The following CUX1 variants were observed in gnomAD, a reference collection of about 807,000 sequenced individuals.
CUX1 encodes the protein protein CASP.
A neutral mutation model predicts 158.8 loss-of-function variants in CUX1; 31 were observed. The ratio of observed to expected loss-of-function variants is 0.20; its 90% CI spans 0.15 to 0.26. CUX1 has a LOEUF of 0.26. Among genes scored for constraint, CUX1 ranks in the 10% least tolerant of loss-of-function variants. The pLI, the probability that CUX1 is intolerant of heterozygous loss-of-function variation, is 1.00. For missense variants in CUX1, 1,589 were observed against 2,014.6 expected, an observed-to-expected ratio of 0.79 and a Z score of 4.04; for synonymous variants, 879 against 862.1, an observed-to-expected ratio of 1.02 and a Z score of -0.34.
chr7:102,143,082 T>C (rs1554500897), intron 8 of CUX1, among the ~76,000 whole-genome samples: 1 of 152,182 alleles, frequency 6.6e-6, no homozygotes, highest in Admixed American at 6.5e-5. Context: ...AACTGTCCCA[T>C]GGCCAGGGGG....
At chr7:102,030,572 A>T (rs1023261063) in intron 3 of CUX1, among the ~76,000 whole-genome samples, 3 of 152,052 alleles carry the variant, frequency 2.0e-5, no homozygotes, top group Admixed American at 6.6e-5. Flanking sequence ...ATCCAAAATC[A>T]AATTTTTCCA....
chr7:102,003,295 AACACAC>A lies in CUX1; in HGVS notation c.142-24768_142-24763del, dbSNP rs56760446. Among the ~76,000 whole-genome samples, 1,160 of 131,968 alleles carry A rather than the reference AACACAC, an allele frequency of 8.8e-3. 15 individuals are homozygous for A. Among genetic ancestry groups the A allele is most frequent in the African/African-American group, 0.025 (860 of 34,304 alleles). The allele number at this position is 131,968 out of a possible 152,430, so 86.6% of individuals were successfully genotyped here. A position where few individuals can be genotyped will look rare whatever the true frequency, so the allele number is the denominator to read the frequency against. On this transcript the variant is annotated intron_variant, in intron 2 of 23. Transcript: ENST00000292535. ...CCACTAAGCCCAGCACCTGGTGCCG[AACACAC>A]ACACACACACACACACACACACACA...
intron 23 of CUX1, among the ~76,000 whole-genome samples, chr7:102,247,660 T>C (rs1202115019): frequency 6.6e-6 from 1 of 151,526 alleles, no homozygotes; most frequent in Non-Finnish European, 1.5e-5. Flanking sequence ...TCCATCTCTT[T>C]AAAAAATTTA....
chr7:101,867,634 G>C (rs1038057640), intron 1 of CUX1, among the ~76,000 whole-genome samples: 1 of 152,194 alleles, frequency 6.6e-6, no homozygotes, highest in Non-Finnish European at 1.5e-5. Context: ...GCTGCTGCCC[G>C]TGGTGGCTCC....
intron 1 of CUX1, among the ~76,000 whole-genome samples, chr7:101,830,099 G>C (rs913627890): frequency 1.1e-4 from 17 of 152,198 alleles, no homozygotes; most frequent in African/African-American, 4.1e-4. Context: ...GTGCTGGGGA[G>C]TGAATTGCCC....
At chr7:102,085,819 A>T (rs1250732507) in intron 4 of CUX1, among the ~76,000 whole-genome samples, 3 of 152,076 alleles carry the variant, frequency 2.0e-5, no homozygotes, top group Non-Finnish European at 4.4e-5. Flanking sequence ...CCTTTCCTCT[A>T]TTTGCTGAAA....
In CUX1 at chr7:102,201,938, G is replaced by A; in HGVS notation, c.2641G>A (p.Glu881Lys). ...ACCCTCGTCGTCAGAGTACTGGAAG[G>A]AGTGGCCCAGCGCTGAGTCCCCATA... is the stretch of plus-strand genomic sequence containing the variant. ...QGPSSSEYWKEWPSAESPYSQ... is the reference protein window; with the variant it reads ...QGPSSSEYWKKWPSAESPYSQ... Residue 881 changes from glutamate to lysine, a missense_variant, in exon 18 of 24, where the codon GAG becomes AAG. Glu to Lys is a moderately conservative substitution (Grantham distance 56). Transcript: ENST00000292535. The surrounding 1 kb of genome is among the most constrained non-coding windows in gnomAD (Gnocchi z 5.0). 1 of 1,614,102 alleles carries A rather than the reference G, an allele frequency of 6.2e-7. No homozygotes were observed.
At chr7:101,918,487 A>T (rs1356767911) in intron 2 of CUX1, among the ~76,000 whole-genome samples, 1 of 152,240 alleles carries the variant, frequency 6.6e-6, no homozygotes, top group Admixed American at 6.5e-5. Context: ...GAGGCAGATG[A>T]TGGAAGGTCA....
intron 3 of CUX1, among the ~76,000 whole-genome samples, chr7:102,050,351 A>G (rs1253491751): frequency 6.6e-6 from 1 of 152,160 alleles, no homozygotes; most frequent in East Asian, 1.9e-4. Flanking sequence ...AGGATCCTCT[A>G]GGTCCTTTAA....
At position 101,916,277 on chromosome 7, in the gene CUX1, G is replaced by A. The variant is rs182847029; in HGVS notation, c.141+52G>A. 24 of 1,140,898 alleles carry A rather than the reference G, an allele frequency of 2.1e-5. No homozygotes were observed. Among genetic ancestry groups the A allele is most frequent in the Admixed American group, 1.7e-4 (10 of 58,900 alleles). The allele number at this position is 1,140,898 out of a possible 1,614,324, so 70.7% of individuals were successfully genotyped here. A position where few individuals can be genotyped will look rare whatever the true frequency, so the allele number is the denominator to read the frequency against. Reference sequence around the variant, plus strand: ...TTTGAAGGGATCTTAGAATGCTGGTGCATGTTCAGGCGACGCTCCGTGAGC... The same window carrying A: ...TTTGAAGGGATCTTAGAATGCTGGTACATGTTCAGGCGACGCTCCGTGAGC... On this transcript the variant is annotated intron_variant, in intron 2 of 23. Transcript: ENST00000292535. The surrounding 1 kb of genome is among the most constrained non-coding windows in gnomAD (Gnocchi z 4.4).
chr7:102,235,712 A>AG (rs1400220552), intron 22 of CUX1, among the ~76,000 whole-genome samples: 6 of 151,076 alleles, frequency 4.0e-5, no homozygotes, highest in African/African-American at 1.5e-4. Flanking sequence ...AAAAAAAAAA[A>AG]AAAAAAGAAT....
In CUX1 at chr7:102,252,409, A is replaced by T. The variant is rs895587361; in HGVS notation, c.*3367A>T. ...CCGACCCCCTTCCTCTTCACGCTCT[A>T]TGAGTTTAAAAAGCTGATTTGTACC... is the stretch of plus-strand genomic sequence containing the variant. On this transcript the variant is annotated 3_prime_UTR_variant, in exon 24 of 24. Coordinates refer to ENST00000292535, the MANE Select transcript of CUX1 (RefSeq NM_181552.4). 1.0e-6 allele frequency: 1 copy of T among 985,438 alleles called. No homozygotes were observed. Among genetic ancestry groups the T allele is most frequent in the African/African-American group, 1.7e-5 (1 of 57,350 alleles). 61.0% of individuals were successfully genotyped at this position (985,438 alleles called of 1,614,324 possible). A position where few individuals can be genotyped will look rare whatever the true frequency, so the allele number is the denominator to read the frequency against.
At chr7:102,175,589 T>G (rs1455396685) in intron 10 of CUX1, among the ~76,000 whole-genome samples, 1 of 152,040 alleles carries the variant, frequency 6.6e-6, no homozygotes, top group Non-Finnish European at 1.5e-5. Context: ...TGCACCTGCC[T>G]GCATGTCCTC....
intron 8 of CUX1, chr7:102,115,488 A>C: frequency 2.1e-6 from 1 of 466,488 alleles, no homozygotes; most frequent in East Asian, 3.5e-5. Flanking sequence ...AAGGCTGGTC[A>C]CTGCTATGCC....
intron 2 of CUX1, among the ~76,000 whole-genome samples, chr7:102,014,174 A>G (rs941639394): frequency 6.6e-6 from 1 of 152,170 alleles, no homozygotes; most frequent in Non-Finnish European, 1.5e-5. Flanking sequence ...GCAAGCTCAC[A>G]AGAGACCGAC....
At position 102,204,566 on chromosome 7, in the gene CUX1, G is replaced by A. The variant is rs781916366; in HGVS notation, c.3073+10G>A. 5.6e-6 allele frequency: 9 copies of A among 1,611,426 alleles called. No homozygotes were observed. Among genetic ancestry groups the A allele is most frequent in the Non-Finnish European group, 6.8e-6 (8 of 1,178,720 alleles). ...CAGCAGCAAGGGCCAGGTAATGGGG[G>A]TCCTGCCACAGGAGAGGGGCTGCCC... On this transcript the variant is annotated intron_variant, in intron 19 of 23. Transcript: ENST00000292535.
chr7:101,831,492 A>G (rs1794004379), intron 1 of CUX1, among the ~76,000 whole-genome samples: 1 of 151,958 alleles, frequency 6.6e-6, no homozygotes, highest in Non-Finnish European at 1.5e-5. Context: ...GGGTTTTGCC[A>G]TGTTGGCCTG....
chr7:102,168,699 C>T (rs1452127645), intron 9 of CUX1, among the ~76,000 whole-genome samples: 4 of 147,970 alleles, frequency 2.7e-5, no homozygotes, highest in African/African-American at 1.0e-4. Context: ...CAAATAGATT[C>T]AATGCTGTTG....
At chr7:102,130,318 G>T (rs1378553616) in intron 8 of CUX1, among the ~76,000 whole-genome samples, 1 of 152,188 alleles carries the variant, frequency 6.6e-6, no homozygotes, top group African/African-American at 2.4e-5. Context: ...ACATCAGTGA[G>T]AATTAACCCC....
Sources: allele counts gnomAD v4.1 joint callset (sites outside exome capture counted in the v4.1 genomes callset), GRCh38; gene constraint gnomAD v4.1.1; non-coding constraint Gnocchi (gnomAD v3.1); transcripts MANE v1.5; gene names NCBI Gene and HGNC (gene_info 2026-07-23, HGNC 2026-07-21).